Variants in SUCLG2 observed in about 807,000 individuals in gnomAD.
SUCLG2 encodes succinate--CoA ligase [GDP-forming] subunit beta, mitochondrial.
A neutral mutation model predicts 47.9 loss-of-function variants in SUCLG2; 42 were observed. The ratio of observed to expected loss-of-function variants is 0.88; its 90% confidence interval spans 0.69 to 1.14. The LOEUF (loss-of-function observed/expected upper bound fraction) is 1.14, where lower values mean the gene tolerates loss of function less well. Among genes scored for constraint, SUCLG2 ranks in the 50% most tolerant of loss-of-function variants. The pLI is 0.00. For missense variants in SUCLG2, 571 were observed against 525.9 expected (o/e 1.09, Z -0.84); for synonymous variants, 195 against 197.3 (o/e 0.99, Z 0.10).
intron 2 of SUCLG2, among the ~76,000 whole-genome samples, chr3:67,547,101 T>C (rs568965354): frequency 5.3e-5 from 8 of 152,190 alleles, no homozygotes; most frequent in Non-Finnish European, 1.0e-4. Context: ...CCCCAGGTGA[T>C]AGTACTGGGA....
intron 1 of SUCLG2, among the ~76,000 whole-genome samples, chr3:67,643,766 T>A (rs1453938554): frequency 6.6e-6 from 1 of 152,212 alleles, no homozygotes; most frequent in Non-Finnish European, 1.5e-5. Flanking sequence ...AACCTCCGCC[T>A]CCCAGGTTCA....
At chr3:67,493,342 G>C (rs1217119466) in intron 9 of SUCLG2, among the ~76,000 whole-genome samples, 1 of 152,070 alleles carries the variant, frequency 6.6e-6, no homozygotes, top group Non-Finnish European at 1.5e-5. Flanking sequence ...TCATTTTCCT[G>C]ATATAGCATG....
At chr3:67,428,324 G>A (rs1703362827) in intron 9 of SUCLG2, among the ~76,000 whole-genome samples, 1 of 152,180 alleles carries the variant, frequency 6.6e-6, no homozygotes, top group Non-Finnish European at 1.5e-5. Flanking sequence ...TGATATCCAG[G>A]CAAACAGGGT....
chr3:67,367,583 T>C (rs759542981), intron 10 of SUCLG2, among the ~76,000 whole-genome samples: 8 of 152,234 alleles, frequency 5.3e-5, no homozygotes, highest in Non-Finnish European at 1.2e-4. Flanking sequence ...ATTGACACTT[T>C]GGGTTGAATA....
intron 9 of SUCLG2, among the ~76,000 whole-genome samples, chr3:67,456,334 A>G (rs1490949817): frequency 6.6e-6 from 1 of 152,254 alleles, no homozygotes; most frequent in Non-Finnish European, 1.5e-5. Context: ...GTCTTAGGGA[A>G]TATCAGCAAA....
At position 67,439,114 on chromosome 3, in the gene SUCLG2, T is replaced by G. The variant is rs1321090843; in HGVS notation, c.1063-38263A>C. ...AAATCAATTAACGTAATCCATCACA[T>G]AAACAGAACCAATGACAAAAACCAC... On this transcript the variant is annotated intron_variant, in intron 9 of 10. Transcript: ENST00000307227. Among the ~76,000 whole-genome samples the G allele has an allele frequency of 2.0e-5, 3 of 152,156 alleles. No homozygotes were observed. The East Asian group carries it at 5.8e-4, about 29-fold the overall frequency.
At position 67,585,214 on chromosome 3, in the gene SUCLG2, C is replaced by T. The variant is rs117974785; in HGVS notation, c.226+24241G>A. On this transcript the variant is annotated intron_variant, in intron 2 of 10. Transcript: ENST00000307227. ...CACCTCATGTCCCACAGCTTGCTTG[C>T]TCTCTTTCTCTAATCACCTGATACC... Among the ~76,000 whole-genome samples the T allele has an allele frequency of 1.7e-3, 262 of 152,288 alleles. 4 individuals are homozygous for T. In the East Asian group the frequency reaches 0.036, roughly 21 times the overall value.
intron 9 of SUCLG2, among the ~76,000 whole-genome samples, chr3:67,434,286 G>C (rs6787823): frequency 6.6e-6 from 1 of 152,028 alleles, no homozygotes; most frequent in Non-Finnish European, 1.5e-5. Context: ...AGCACTTCGT[G>C]AGGCCAAGGC....
chr3:67,555,930 C>T (rs988318060), intron 2 of SUCLG2, among the ~76,000 whole-genome samples: 1 of 152,162 alleles, frequency 6.6e-6, no homozygotes, highest in Non-Finnish European at 1.5e-5. Flanking sequence ...CCAATGTGAA[C>T]AGAGTGGGAC....
At chr3:67,594,969 C>G (rs183495590) in intron 2 of SUCLG2, among the ~76,000 whole-genome samples, 1 of 152,260 alleles carries the variant, frequency 6.6e-6, no homozygotes, top group East Asian at 1.9e-4. Flanking sequence ...CAAGATCAGA[C>G]TCCAATAACG....
intron 9 of SUCLG2, among the ~76,000 whole-genome samples, chr3:67,484,581 T>A (rs1006367818): frequency 6.6e-5 from 10 of 152,192 alleles, no homozygotes; most frequent in African/African-American, 2.2e-4. Context: ...ACCTTGGGTA[T>A]TTTTAAAGAA....
Position 67,578,295 on chromosome 3 carries a change from C to CAT in SUCLG2, c.226+31158_226+31159dup, listed in dbSNP as rs946244553. 6.2e-5 allele frequency among the ~76,000 whole-genome samples: 9 copies of CAT among 145,552 alleles called. No individual in the cohort carries two copies. In the East Asian group the frequency reaches 1.4e-3, roughly 22 times the overall value. On this transcript the variant is annotated intron_variant, in intron 2 of 10. Coordinates refer to ENST00000307227, the MANE Select transcript of SUCLG2 (RefSeq NM_003848.4). Reference sequence around the variant, plus strand: ...ATATAAAATTTTATATATATAAAATCATATATATACATATATATGATTTTA... The same window carrying CAT: ...ATATAAAATTTTATATATATAAAATCATATATATATACATATATATGATTTTA...
chr3:67,383,394 A>G (rs1486086846), intron 10 of SUCLG2, among the ~76,000 whole-genome samples: 1 of 152,190 alleles, frequency 6.6e-6, no homozygotes, highest in Non-Finnish European at 1.5e-5. Context: ...GAGGCTTTAG[A>G]TTTCTCCTTG....
intron 2 of SUCLG2, among the ~76,000 whole-genome samples, chr3:67,605,890 C>G (rs1250771335): frequency 6.6e-6 from 1 of 152,000 alleles, no homozygotes; most frequent in Non-Finnish European, 1.5e-5. Context: ...TGCAACATTG[C>G]TCATTCCTCC....
chr3:67,511,270 A>G (rs935356868), intron 6 of SUCLG2, among the ~76,000 whole-genome samples: 1 of 152,120 alleles, frequency 6.6e-6, no homozygotes, highest in Non-Finnish European at 1.5e-5. Context: ...CCAATTCACA[A>G]TCATTAGCCA....
chr3:67,649,861 T>C (rs1172059392), intron 1 of SUCLG2, among the ~76,000 whole-genome samples: 1 of 152,162 alleles, frequency 6.6e-6, no homozygotes, highest in African/African-American at 2.4e-5. Context: ...ATGTAATTTC[T>C]TTTCCTCCCC....
At chr3:67,451,173 C>A (rs1056657149) in intron 9 of SUCLG2, among the ~76,000 whole-genome samples, 1 of 152,200 alleles carries the variant, frequency 6.6e-6, no homozygotes, top group African/African-American at 2.4e-5. Context: ...TCTTCTAACA[C>A]CTTTCACAAT....
Position 67,374,932 on chromosome 3 carries a change from T to A in SUCLG2, c.*812A>T. ...GAGAAACGAGGAGAGAAGATAGTGA[T>A]ACTAAACACAATTTGATCTTCAGTG... is the stretch of plus-strand genomic sequence containing the variant. On this transcript the variant is annotated 3_prime_UTR_variant, in exon 11 of 11. Coordinates refer to ENST00000307227, the MANE Select transcript of SUCLG2 (RefSeq NM_003848.4). 1 of 985,698 alleles carries A rather than the reference T, an allele frequency of 1.0e-6. No individual in the cohort carries two copies. Among genetic ancestry groups the A allele is most frequent in the Non-Finnish European group, 1.2e-6 (1 of 829,886 alleles). 61.1% of individuals were successfully genotyped at this position (985,698 alleles called of 1,614,324 possible). A position where few individuals can be genotyped will look rare whatever the true frequency, so the allele number is the denominator to read the frequency against.
rs894655990 is a variant in SUCLG2, at chr3:67,643,290, T to C, written c.84+11213A>G. ...CCATCACTCACTTATCACCAGAAAC[T>C]GGGTAAATCATTATCTTACTTGTTT... On this transcript the variant is annotated intron_variant, in intron 1 of 10. Transcript: ENST00000307227. 2.0e-5 allele frequency among the ~76,000 whole-genome samples: 3 copies of C among 152,322 alleles called. No individual in the cohort carries two copies. In the East Asian group the frequency reaches 5.8e-4, roughly 29 times the overall value.
Sources: gnomAD v4.1 joint callset for allele counts (sites outside exome capture counted in the v4.1 genomes callset) on GRCh38, gnomAD v4.1.1 for gene constraint, MANE v1.5 for transcripts, NCBI Gene and HGNC (gene_info 2026-07-23, HGNC 2026-07-21) for gene names.